The following HELLS variants were observed in gnomAD, a reference collection of about 807,000 sequenced individuals.
HELLS encodes lymphoid-specific helicase.
In HELLS, 32 loss-of-function variants were observed where a neutral mutation model predicts 120.0. That is an observed-to-expected ratio of 0.27 (90% CI 0.20 to 0.36). HELLS has a LOEUF of 0.36. Among genes scored for constraint, HELLS ranks in the 10% least tolerant of loss-of-function variants. HELLS has a pLI of 1.00. For missense variants in HELLS, 650 were observed against 993.4 expected, an observed-to-expected ratio of 0.65 and a Z score of 4.65; for synonymous variants, 341 against 323.4, an observed-to-expected ratio of 1.05 and a Z score of -0.58.
intron 4 of HELLS, among the ~76,000 whole-genome samples, chr10:94,559,315 T>A (rs1184072147): frequency 6.6e-6 from 1 of 152,180 alleles, no homozygotes; most frequent in Non-Finnish European, 1.5e-5. Context: ...TGTACCAAAG[T>A]GCTGTCTAGT....
chr10:94,599,115 G>C (rs1055749475), intron 21 of HELLS, among the ~76,000 whole-genome samples: 5 of 151,986 alleles, frequency 3.3e-5, no homozygotes, highest in African/African-American at 1.2e-4. Flanking sequence ...AATTGTTTTA[G>C]ATATTCTGGA....
chr10:94,584,124 A>T, intron 12 of HELLS: 1 of 1,321,396 alleles, frequency 7.6e-7, no homozygotes, highest in Non-Finnish European at 1.0e-6. Context: ...ACCAATTTTG[A>T]GGTTAGAAGT....
intron 3 of HELLS, among the ~76,000 whole-genome samples, chr10:94,555,450 TA>T (rs1050149061): frequency 1.3e-5 from 2 of 151,156 alleles, no homozygotes; most frequent in Non-Finnish European, 1.5e-5. Context: ...AATAAATAAA[TA>T]AAAAAAACCC....
exon 10 of HELLS, chr10:94,613,574 C>T (rs1846215356): frequency 6.6e-6 from 1 of 152,118 alleles, no homozygotes; most frequent in East Asian, 1.9e-4. Flanking sequence ...TAAGTTTTGA[C>T]TGGTACTGTT....
chr10:94,581,051 A>G (rs1273054486), intron 10 of HELLS, among the ~76,000 whole-genome samples: 1 of 152,226 alleles, frequency 6.6e-6, no homozygotes, highest in East Asian at 1.9e-4. Context: ...GCGTTGACTA[A>G]GGTGTGAATA....
At chr10:94,563,887 C>T (rs1436095836) in intron 6 of HELLS, among the ~76,000 whole-genome samples, 7 of 150,710 alleles carry the variant, frequency 4.6e-5, no homozygotes, top group Non-Finnish European at 8.8e-5. Flanking sequence ...CTAGGCTTAC[C>T]GCATCCTCCG....
intron 21 of HELLS, among the ~76,000 whole-genome samples, chr10:94,598,059 G>T (rs1394702331): frequency 6.6e-6 from 1 of 150,640 alleles, no homozygotes; most frequent in African/African-American, 2.4e-5. Flanking sequence ...GATGCCTACA[G>T]TGATGACCAT....
chr10:94,592,696 A>C (rs948493362), intron 17 of HELLS, among the ~76,000 whole-genome samples, 182 bp downstream of exon 17: 1 of 152,128 alleles, frequency 6.6e-6, no homozygotes, highest in African/African-American at 2.4e-5. Context: ...TTTGATTCAC[A>C]AATATATATA....
chr10:94,599,335 A>G (rs780653421), intron 21 of HELLS, among the ~76,000 whole-genome samples: 4 of 152,214 alleles, frequency 2.6e-5, no homozygotes, highest in African/African-American at 7.2e-5. Context: ...CCAACTTGCC[A>G]TAATATCGTA....
chr10:94,552,886 G>A (rs1243096937), intron 2 of HELLS, among the ~76,000 whole-genome samples: 7 of 152,172 alleles, frequency 4.6e-5, no homozygotes, highest in Non-Finnish European at 8.8e-5. Flanking sequence ...GGCTGAGGTG[G>A]GAGGGTGGTT....
At chr10:94,549,074 A>G (rs1347082981) in intron 2 of HELLS, among the ~76,000 whole-genome samples, 5 of 152,076 alleles carry the variant, frequency 3.3e-5, no homozygotes, top group African/African-American at 7.2e-5. Context: ...GTTTCGTATT[A>G]CATTGTCTTG....
At chr10:94,583,964 G>C in intron 12 of HELLS, 1 of 546,300 alleles carries the variant, frequency 1.8e-6, no homozygotes, top group South Asian at 2.5e-5. Context: ...CTACACCTTT[G>C]CCCATTTCTG....
At chr10:94,596,414 A>G (rs139169163) in intron 19 of HELLS, among the ~76,000 whole-genome samples, 24 of 152,198 alleles carry the variant, frequency 1.6e-4, no homozygotes, top group African/African-American at 5.5e-4. Context: ...CACACTGATG[A>G]GTCTTTTTTC....
At chr10:94,604,147 A>G (rs769699613), downstream of HELLS, among the ~76,000 whole-genome samples, 11 of 147,578 alleles carry the variant, frequency 7.5e-5, no homozygotes, top group Non-Finnish European at 1.5e-4. Flanking sequence ...TTTTTTTATA[A>G]ACAGTTTCAC....
At chr10:94,560,004 A>G (rs886673113) in intron 4 of HELLS, among the ~76,000 whole-genome samples, 6 of 152,162 alleles carry the variant, frequency 3.9e-5, no homozygotes, top group African/African-American at 9.7e-5. Flanking sequence ...AAGAGCTTCT[A>G]CTTAGCTTCT....
downstream of HELLS, among the ~76,000 whole-genome samples, chr10:94,605,177 G>A (rs1357491664): frequency 1.4e-5 from 2 of 146,666 alleles, no homozygotes; most frequent in South Asian, 2.2e-4. Flanking sequence ...CTGTCTCCCA[G>A]GTTTAAACTA....
intron 2 of HELLS, among the ~76,000 whole-genome samples, chr10:94,553,842 C>G (rs1199904112): frequency 6.6e-6 from 1 of 152,152 alleles, no homozygotes; most frequent in Non-Finnish European, 1.5e-5. Context: ...GTCACCGCAC[C>G]CGGCCTTCAA....
intron 19 of HELLS, 93 bp from the exon 20 acceptor site, chr10:94,596,767 C>T: frequency 3.1e-6 from 2 of 651,388 alleles, no homozygotes; most frequent in Non-Finnish European, 5.3e-6. Flanking sequence ...TTTTGCCGTC[C>T]TTCTTAATGC....
At chr10:94,598,539 A>G (rs551181572) in intron 21 of HELLS, among the ~76,000 whole-genome samples, 23 of 151,982 alleles carry the variant, frequency 1.5e-4, no homozygotes, top group African/African-American at 5.3e-4. Context: ...TTATTTTCAA[A>G]TATGTTGTTC....
Sources: allele counts gnomAD v4.1 joint callset (sites outside exome capture counted in the v4.1 genomes callset), GRCh38; gene constraint gnomAD v4.1.1; transcripts MANE v1.5; gene names NCBI Gene and HGNC (gene_info 2026-07-23, HGNC 2026-07-21).